Variants in SPAG5 observed in about 807,000 individuals in gnomAD.
SPAG5 encodes sperm associated antigen 5, also known as sperm-associated antigen 5.
SPAG5 carries 99 observed loss-of-function variants against 145.4 expected under a neutral mutation model. The ratio of observed to expected loss-of-function variants is 0.68; its 90% CI spans 0.58 to 0.80. The LOEUF (loss-of-function observed/expected upper bound fraction) is 0.80, where lower values mean the gene tolerates loss of function less well. Among genes scored for constraint, SPAG5 ranks in the 30% least tolerant of loss-of-function variants. The pLI is 0.00. For synonymous variants in SPAG5, 477 were observed against 525.4 expected, an observed-to-expected ratio of 0.91 and a Z score of 1.26; for missense variants, 1,192 against 1,416.0, an observed-to-expected ratio of 0.84 and a Z score of 2.54.
Position 28,589,738 on chromosome 17 carries a change from C to T in SPAG5, c.1437+1960G>A, listed in dbSNP as rs1291024664. Reference sequence around the variant, plus strand: ...CAGCCTGGCCAACATAGCAAAACCCCATCTCTACTAAAAATACAAAAAAAT... The same window carrying T: ...CAGCCTGGCCAACATAGCAAAACCCTATCTCTACTAAAAATACAAAAAAAT... On this transcript the variant is annotated intron_variant, in intron 4 of 23. Coordinates refer to ENST00000321765, the MANE Select transcript of SPAG5 (RefSeq NM_006461.4). Among the ~76,000 whole-genome samples the T allele has an allele frequency of 2.6e-5, 4 of 151,910 alleles. No homozygotes were observed. The East Asian group carries it at 5.8e-4, about 22-fold the overall frequency.
chr17:28,592,515 G>A lies in SPAG5; in HGVS notation c.729C>T (p.Ser243=), dbSNP rs765311925. 28 of 1,614,158 alleles carry A rather than the reference G, an allele frequency of 1.7e-5. No individual in the cohort carries two copies. Among genetic ancestry groups the A allele is most frequent in the Non-Finnish European group, 2.4e-5 (28 of 1,180,042 alleles). Residue 243 remains serine (S), a synonymous_variant, in exon 3 of 24, where the codon TCC becomes TCT. Transcript: ENST00000321765. ...TTGAAGGGGAAAGCCAGAGAACAGA[G>A]GAAGGCAAGAAGGCGTTACTTTCAG... ...VPSESNAFLP[S]SVLWLSPSTA...
In SPAG5 at chr17:28,587,340, A is replaced by G. The variant is rs1045199109; in HGVS notation, c.1438-841T>C. Reference sequence around the variant, plus strand: ...GGCGGGCGGATCACCTGAGGTCGGGAGTTCGAGACCAGCCTGACCAACATG... The same window carrying G: ...GGCGGGCGGATCACCTGAGGTCGGGGGTTCGAGACCAGCCTGACCAACATG... On this transcript the variant is annotated intron_variant, in intron 4 of 23. Transcript: ENST00000321765. Among the ~76,000 whole-genome samples the G allele has an allele frequency of 1.9e-3, 292 of 151,682 alleles. 1 individual carries two copies. The highest frequency in any genetic ancestry group is 6.8e-3 in the African/African-American group (281 of 41,284).
intron 15 of SPAG5, among the ~76,000 whole-genome samples, chr17:28,582,207 T>TC (rs1378299119): frequency 6.6e-6 from 1 of 152,224 alleles, no homozygotes; most frequent in Non-Finnish European, 1.5e-5. Flanking sequence ...AAGAGCTGCT[T>TC]CCCATTCCTC....
At chr17:28,580,606 GACC>G (rs1454720585) in intron 15 of SPAG5, 1 of 152,166 alleles carries the variant, frequency 6.6e-6, no homozygotes, top group Non-Finnish European at 1.5e-5. Flanking sequence ...TGATATTGAT[GACC>G]ACATTGTTCT....
chr17:28,596,903 C>G (rs1489844145), intron 2 of SPAG5, among the ~76,000 whole-genome samples: 1 of 141,376 alleles, frequency 7.1e-6, no homozygotes. Flanking sequence ...GTCAGGAGTT[C>G]GAGACCAGCC....
In SPAG5 at chr17:28,591,863, T is replaced by C. The variant is rs1223263867; in HGVS notation, c.1272A>G (p.Pro424=). The part of the protein sequence containing the change: ...ETEQLLCGRP[P]DLTALSRHDL... ...CATGTCGAGACAAGGCAGTCAGATC[T>C]GGAGGCCGGCTGCAGCAGAAAGAGA... The change falls in exon 4 of 24, where the codon CCA becomes CCG. Residue 424 remains proline (P), a synonymous_variant. Coordinates refer to ENST00000321765, the MANE Select transcript of SPAG5 (RefSeq NM_006461.4). The C allele has an allele frequency of 6.2e-7, 1 of 1,613,556 alleles. No homozygotes were observed. The highest frequency in any genetic ancestry group is 8.5e-7 in the Non-Finnish European group (1 of 1,179,728).
chr17:28,578,616 A>C, intron 20 of SPAG5, 56 bp downstream of exon 20: 1 of 1,609,914 alleles, frequency 6.2e-7, no homozygotes, highest in Non-Finnish European at 8.5e-7. Context: ...CATACTTGGG[A>C]TCCTGGCTGA....
rs149474751 is a variant in SPAG5, at chr17:28,583,853, G to T, written c.2546C>A (p.Thr849Lys). 1 of 1,607,918 alleles carries T rather than the reference G, an allele frequency of 6.2e-7. No homozygotes were observed. The highest frequency in any genetic ancestry group is 8.5e-7 in the Non-Finnish European group (1 of 1,175,394). ...AAGTACAGAAAGTTAGAGAACTTAC[G>T]TTAGGTTCTCTACAGTGTCCTTGAG... ...ENLKDTVENLTAKLASTIADN... is the reference protein window; with the variant it reads ...ENLKDTVENLKAKLASTIADN... Residue 849 changes from threonine to lysine, a missense_variant and splice_region_variant, in exon 14 of 24, where the codon ACG (threonine) becomes AAG (lysine). Around this residue, in one of 5 missense-constraint regions of SPAG5, gnomAD observed 709 missense variants for 840.7 expected, o/e 0.84. Coordinates refer to ENST00000321765, the MANE Select transcript of SPAG5 (RefSeq NM_006461.4).
Position 28,578,701 on chromosome 17 carries a change from C to T in SPAG5, c.3169G>A (p.Glu1057Lys). Residue 1057 changes from glutamate (E) to lysine (K), a missense_variant, in exon 20 of 24, where the codon GAA (glutamate) becomes AAA (lysine). Physicochemically the swap from Glu to Lys is moderately conservative, Grantham distance 56. Transcript: ENST00000321765. ...VIQQQNEKIL[E>K]QIDKSGELIS... ...AGCTCGCCACTCTTGTCTATCTGTT[C>T]TAGGATCTTCTCATTCTGCTGCTGT... 6.2e-7 allele frequency: 1 copy of T among 1,614,056 alleles called. No homozygotes were observed. The highest frequency in any genetic ancestry group is 8.5e-7 in the Non-Finnish European group (1 of 1,179,944).
rs202106778 is a variant in SPAG5 at position 28,585,395 on chromosome 17, T to G, written c.1877A>C (p.Lys626Thr). The G allele has an allele frequency of 4.3e-6, 7 of 1,614,220 alleles. No homozygotes were observed. Among genetic ancestry groups the G allele is most frequent in the Non-Finnish European group, 5.1e-6 (6 of 1,180,032 alleles). The change falls in exon 9 of 24, where the codon AAG (lysine) becomes ACG (threonine). Residue 626 changes from lysine (K) to threonine (T), a missense_variant. By Grantham distance (78) the Lys-to-Thr change is moderately conservative. This residue lies in a region of SPAG5 where 709 missense variants were observed against 840.7 expected (regional missense o/e 0.84). Coordinates refer to ENST00000321765, the MANE Select transcript of SPAG5 (RefSeq NM_006461.4). ...TGTCTGCTGAACCAGCTCTTCTTGC[T>G]TGGCATGAAGCCCTACCTACAAAAG... ...AQTQLVGLHA[K>T]QEELVQQTVS...
intron 4 of SPAG5, 35 bp downstream of exon 4, chr17:28,591,663 T>C (rs199609108): frequency 6.4e-7 from 1 of 1,555,586 alleles, no homozygotes; most frequent in East Asian, 2.3e-5. Context: ...GGATCCCCAC[T>C]GGGATCCCTC....
At chr17:28,593,549 C>T (rs1037373935) in intron 2 of SPAG5, among the ~76,000 whole-genome samples, 1 of 152,046 alleles carries the variant, frequency 6.6e-6, no homozygotes, top group Non-Finnish European at 1.5e-5. Context: ...CAAACCTCAT[C>T]TCTACTAAAA....
In SPAG5 at chr17:28,591,722, T is replaced by C; in HGVS notation, c.1413A>G (p.Thr471=). 6.2e-7 allele frequency: 1 copy of C among 1,613,748 alleles called. No individual in the cohort carries two copies. Among genetic ancestry groups the C allele is most frequent in the Non-Finnish European group, 8.5e-7 (1 of 1,179,812 alleles). ...CCCCACTGTGAGATGTGTCAGTCTGTGTGCTACTGTCCTGGGTTTCTGGGT... is the reference window on the plus strand; with the variant it reads ...CCCCACTGTGAGATGTGTCAGTCTGCGTGCTACTGTCCTGGGTTTCTGGGT... ...VPHPETQDSS[T]QTDTSHSGIT... The change falls in exon 4 of 24, where the codon ACA becomes ACG. Residue 471 remains threonine, a synonymous_variant. Coordinates refer to ENST00000321765, the MANE Select transcript of SPAG5 (RefSeq NM_006461.4).
At chr17:28,582,496 C>T (rs751462784) in intron 15 of SPAG5, among the ~76,000 whole-genome samples, 3 of 152,168 alleles carry the variant, frequency 2.0e-5, no homozygotes, top group Non-Finnish European at 4.4e-5. Flanking sequence ...TCCTAATTCT[C>T]GAAGGCTGAA....
At position 28,583,503 on chromosome 17, in the gene SPAG5, G is replaced by A. The variant is rs537988359; in HGVS notation, c.2685+8C>T. 3 of 1,578,380 alleles carry A rather than the reference G, an allele frequency of 1.9e-6. No individual in the cohort carries two copies. In the Admixed American group the frequency reaches 5.9e-5, roughly 31 times the overall value. ...TGGAAGAGAAGAGAAGGAACCCCAG[G>A]ATCCTACCTTCTCCTTTAGTTTTGT... On this transcript the variant is annotated splice_region_variant and intron_variant, in intron 15 of 23. Transcript: ENST00000321765.
chr17:28,585,221 A>G lies in SPAG5; in HGVS notation c.1954-6T>C. 6.2e-7 allele frequency: 1 copy of G among 1,613,854 alleles called. No homozygotes were observed. ...AAAGCTGTCCATGTTGTATACTACC[A>G]GGGGAAGCAAGCAGGTCAGTAGAGC... On this transcript the variant is annotated splice_region_variant and splice_polypyrimidine_tract_variant and intron_variant, in intron 9 of 23. Coordinates refer to ENST00000321765, the MANE Select transcript of SPAG5 (RefSeq NM_006461.4).
Position 28,579,424 on chromosome 17 carries a change from A to C in SPAG5, c.2946T>G (p.Ser982Arg), listed in dbSNP as rs200585163. 4 of 1,614,054 alleles carry C rather than the reference A, an allele frequency of 2.5e-6. No individual in the cohort carries two copies. Among genetic ancestry groups the C allele is most frequent in the Non-Finnish European group, 3.4e-6 (4 of 1,179,994 alleles). The stretch of plus-strand genomic sequence containing the variant: ...TAGACTCTTGTAGCAGGGAACAAAG[A>C]CTCTGAAGCTCAGTAGTCATAATAC... ...EMSIMTTELQ[S>R]LCSLLQESKE... Residue 982 changes from serine to arginine, a missense_variant, in exon 18 of 24, where the codon AGT (serine) becomes AGG (arginine). This residue lies in a region of SPAG5 where 709 missense variants were observed against 840.7 expected (regional missense o/e 0.84). Transcript: ENST00000321765.
At chr17:28,597,205 T>G (rs1400010813) in intron 2 of SPAG5, among the ~76,000 whole-genome samples, 1 of 152,068 alleles carries the variant, frequency 6.6e-6, no homozygotes, top group East Asian at 1.9e-4. Flanking sequence ...CCACTTGAGG[T>G]CAGGAGTTTG....
In SPAG5 at chr17:28,592,336, A is replaced by G. The variant is rs2070627503; in HGVS notation, c.908T>C (p.Ile303Thr). The change falls in exon 3 of 24, where the codon ATT becomes ACT. Residue 303 changes from isoleucine (I) to threonine (T), a missense_variant. Ile to Thr is a moderately conservative substitution (Grantham distance 89). Around this residue, in one of 5 missense-constraint regions of SPAG5, gnomAD observed 21 missense variants for 48.6 expected, o/e 0.43. Coordinates refer to ENST00000321765, the MANE Select transcript of SPAG5 (RefSeq NM_006461.4). ...DQALVSSVEDILSTCLTPNLV... is the reference protein window; with the variant it reads ...DQALVSSVEDTLSTCLTPNLV... ...ATTTGGTGTCAGGCATGTGGACAGA[A>G]TATCTTCCACACTTGAGACAAGTGC... 1.9e-6 allele frequency: 3 copies of G among 1,614,130 alleles called. No individual in the cohort carries two copies. Among genetic ancestry groups the G allele is most frequent in the Non-Finnish European group, 1.7e-6 (2 of 1,180,006 alleles).
Sources: allele counts gnomAD v4.1 joint callset (sites outside exome capture counted in the v4.1 genomes callset), GRCh38; gene constraint gnomAD v4.1.1; regional missense constraint gnomAD v4.1.1; transcripts MANE v1.5; gene names NCBI Gene and HGNC (gene_info 2026-07-23, HGNC 2026-07-21).